Variants in P2RX5 observed in about 807,000 individuals in gnomAD.
The protein encoded by P2RX5 is purinergic receptor P2X 5.
In P2RX5, 46 loss-of-function variants were observed where a neutral mutation model predicts 54.1. The observed-to-expected ratio is 0.85, with a 90% confidence interval of 0.67 to 1.09. P2RX5 has a LOEUF of 1.09. P2RX5 is among the 50% of genes least tolerant of loss of function. The pLI is 0.00. For missense variants in P2RX5, 566 were observed against 549.8 expected (o/e 1.03, Z -0.29); for synonymous variants, 226 against 226.4 (o/e 1.00, Z 0.02).
upstream of P2RX5, among the ~76,000 whole-genome samples, chr17:3,698,752 CT>C (rs1306675158): frequency 1.3e-5 from 2 of 152,172 alleles, no homozygotes; most frequent in African/African-American, 4.8e-5. Context: ...CGGAACTGTC[CT>C]GAAGCTTTAG....
chr17:3,678,356 C>T (rs566534333), intron 11 of P2RX5, among the ~76,000 whole-genome samples: 27 of 152,370 alleles, frequency 1.8e-4, no homozygotes, highest in Admixed American at 1.6e-3. Flanking sequence ...GCAGCAATTG[C>T]GGTGGCAGCT....
chr17:3,723,526 C>A, the P2RX5 span: 1 of 991,878 alleles, frequency 1.0e-6, no homozygotes, highest in South Asian at 1.5e-5. Flanking sequence ...CCAAGCGAAG[C>A]TCCAGCGGGA....
Position 3,695,874 on chromosome 17 carries a change from C to A in P2RX5, c.132G>T (p.Leu44=). The change falls in exon 1 of 12, where the codon CTG becomes CTT. Residue 44 remains leucine, a synonymous_variant. Coordinates refer to ENST00000225328, the MANE Select transcript of P2RX5 (RefSeq NM_002561.4). ...AAAGTCCGCGGAGAACTTACACGAC[C>A]AGGTACGCCAGGATGGAGGCCTGCA... ...RLLQASILAY[L]VVWVFLIKKG... The A allele has an allele frequency of 6.2e-7, 1 of 1,613,966 alleles. No homozygotes were observed. The highest frequency in any genetic ancestry group is 8.5e-7 in the Non-Finnish European group (1 of 1,179,946).
the P2RX5 span, among the ~76,000 whole-genome samples, chr17:3,720,902 C>G: frequency 6.6e-5 from 10 of 151,586 alleles, no homozygotes; most frequent in Non-Finnish European, 1.5e-4. Context: ...ACTTCTTTTC[C>G]CTTGTGCCAT....
chr17:3,694,364 C>T (rs1017982740), intron 1 of P2RX5, among the ~76,000 whole-genome samples: 3 of 152,152 alleles, frequency 2.0e-5, no homozygotes, highest in Non-Finnish European at 2.9e-5. Context: ...CTATCATGCC[C>T]AGCTAATTGT....
At chr17:3,698,664 G>C (rs2050795999), upstream of P2RX5, among the ~76,000 whole-genome samples, 1 of 152,134 alleles carries the variant, frequency 6.6e-6, no homozygotes, top group Non-Finnish European at 1.5e-5. Context: ...GAAGGGCTCT[G>C]CTCTGACTTC....
the P2RX5 span, among the ~76,000 whole-genome samples, chr17:3,705,279 G>A: frequency 2.0e-5 from 3 of 152,146 alleles, no homozygotes; most frequent in Non-Finnish European, 4.4e-5. Flanking sequence ...ACGAATGCCC[G>A]TGTCTTCCCA....
chr17:3,710,252 C>T, the P2RX5 span, among the ~76,000 whole-genome samples: 11 of 151,826 alleles, frequency 7.2e-5, no homozygotes, highest in East Asian at 1.8e-3. Flanking sequence ...CATGGTGAAA[C>T]CCAGTCTCTA....
At chr17:3,718,039 A>C in the P2RX5 span, 1 of 152,274 alleles carries the variant, frequency 6.6e-6, no homozygotes, top group African/African-American at 2.4e-5. Flanking sequence ...AGTGCCCCAA[A>C]GATGCCCAAG....
chr17:3,674,598 CA>C (rs1283572610), intron 11 of P2RX5, among the ~76,000 whole-genome samples: 5 of 152,194 alleles, frequency 3.3e-5, no homozygotes, highest in Non-Finnish European at 7.3e-5. Context: ...TCTAAAGGGG[CA>C]ACCTTGCAGC....
chr17:3,703,122 A>G, the P2RX5 span, among the ~76,000 whole-genome samples: 1 of 152,314 alleles, frequency 6.6e-6, no homozygotes, highest in Middle Eastern at 3.4e-3. Flanking sequence ...TGTTCCTTCT[A>G]CACATTTTAT....
At chr17:3,685,044 C>G (rs1182669275) in intron 9 of P2RX5, among the ~76,000 whole-genome samples, 1 of 152,070 alleles carries the variant, frequency 6.6e-6, no homozygotes, top group African/African-American at 2.4e-5. Context: ...CAGGGTTTCT[C>G]CATGTTGGTC....
the P2RX5 span, chr17:3,717,071 G>C: frequency 3.1e-5 from 11 of 352,954 alleles, no homozygotes; most frequent in South Asian, 2.7e-4. Flanking sequence ...TTCTGTTAAA[G>C]ATGCTCTGAC....
chr17:3,706,099 C>G, the P2RX5 span, among the ~76,000 whole-genome samples: 18 of 151,776 alleles, frequency 1.2e-4, no homozygotes, highest in African/African-American at 4.1e-4. Context: ...GGACTACAGG[C>G]GCGCACCACC....
chr17:3,715,003 C>T, the P2RX5 span: 4 of 1,019,086 alleles, frequency 3.9e-6, no homozygotes, highest in South Asian at 5.2e-5. Flanking sequence ...TTTCAGAAAA[C>T]CGGCATTCTG....
intron 9 of P2RX5, chr17:3,682,278 G>A (rs1416730110): frequency 6.9e-6 from 3 of 432,430 alleles, no homozygotes; most frequent in South Asian, 2.1e-5. Flanking sequence ...CACCCAGCAC[G>A]TGCCAGTGTC....
intron 11 of P2RX5, among the ~76,000 whole-genome samples, chr17:3,674,681 C>G (rs2050061269): frequency 6.6e-6 from 1 of 152,246 alleles, no homozygotes; most frequent in African/African-American, 2.4e-5. Context: ...CACCCAGGTT[C>G]TCCGTTGCTC....
chr17:3,716,360 T>G, the P2RX5 span, among the ~76,000 whole-genome samples: 1 of 152,160 alleles, frequency 6.6e-6, no homozygotes, highest in Admixed American at 6.6e-5. Context: ...CCAAGTAAGT[T>G]ATAAATGCTG....
chr17:3,699,719 C>T (rs766779804), upstream of P2RX5, among the ~76,000 whole-genome samples: 14 of 150,356 alleles, frequency 9.3e-5, no homozygotes, highest in Non-Finnish European at 1.8e-4. Flanking sequence ...ACAGGAGAAT[C>T]GCTTGAACCC....
Sources: allele counts gnomAD v4.1 joint callset (sites outside exome capture counted in the v4.1 genomes callset), GRCh38; gene constraint gnomAD v4.1.1; transcripts MANE v1.5; gene names NCBI Gene and HGNC (gene_info 2026-07-23, HGNC 2026-07-21).